Variants in DIAPH2 observed in about 807,000 individuals in gnomAD.
The protein encoded by DIAPH2 is protein diaphanous homolog 2.
A neutral mutation model predicts 92.7 loss-of-function variants in DIAPH2; 35 were observed. The observed-to-expected ratio is 0.38, with a 90% CI of 0.29 to 0.50. DIAPH2 has a LOEUF of 0.50. DIAPH2 is among the 20% of genes least tolerant of loss of function. The pLI, the probability that DIAPH2 is intolerant of heterozygous loss-of-function variation, is 0.94. For missense variants in DIAPH2, 701 were observed against 819.5 expected (o/e 0.86, Z 1.77); for synonymous variants, 301 against 280.4 (o/e 1.07, Z -0.73).
intron 26 of DIAPH2, among the ~76,000 whole-genome samples, chrX:97,522,898 G>A (rs1344582142): frequency 8.9e-6 from 1 of 112,301 alleles, no homozygotes; most frequent in Non-Finnish European, 1.9e-5. Context: ...CCTGAACTAA[G>A]GGCACAAGAA....
rs1298873938 is a variant in DIAPH2 at position 96,916,438 on chromosome X, T to C, written c.733T>C (p.Phe245Leu). The C allele has an allele frequency of 4.5e-6, 5 of 1,112,380 alleles. No individual in the cohort carries two copies. The highest frequency in any genetic ancestry group is 5.9e-6 in the Non-Finnish European group (5 of 846,848). The allele number at this position is 1,112,380 out of a possible 1,213,427, so 91.7% of individuals were successfully genotyped here. The stretch of plus-strand genomic sequence containing the variant: ...GAAGGTTTTTTTTTTTTTTTTTTAG[T>C]TTGGATTACAAAGGATTCTAGGAGA... ...QCLKAFMNNK[F>L]GLQRILGDER... The change falls in exon 8 of 27, where the codon TTT becomes CTT. Residue 245 changes from phenylalanine to leucine, a missense_variant and splice_region_variant. Physicochemically the swap from Phe to Leu is conservative, Grantham distance 22. Coordinates refer to ENST00000324765, the MANE Select transcript of DIAPH2 (RefSeq NM_006729.5).
At chrX:97,251,480 T>G (rs1323219131) in intron 23 of DIAPH2, among the ~76,000 whole-genome samples, 1 of 109,343 alleles carries the variant, frequency 9.1e-6, no homozygotes, top group Non-Finnish European at 1.9e-5. Context: ...TAACCCAGGT[T>G]GGAGTGCAGT....
chrX:96,991,491 A>G (rs1569273482), intron 17 of DIAPH2, among the ~76,000 whole-genome samples: 1 of 108,464 alleles, frequency 9.2e-6, no homozygotes. Flanking sequence ...TAACACAGAT[A>G]ATAAATGGGG....
At chrX:96,960,330 T>A (rs938204796) in intron 16 of DIAPH2, among the ~76,000 whole-genome samples, 16 of 111,561 alleles carry the variant, frequency 1.4e-4, no homozygotes, top group Non-Finnish European at 3.8e-5. Context: ...ACTTCTTTGG[T>A]TAAATTTATT....
chrX:97,275,214 C>T (rs373728269), intron 23 of DIAPH2, among the ~76,000 whole-genome samples: 7 of 108,641 alleles, frequency 6.4e-5, no homozygotes, highest in Admixed American at 5.7e-4. Flanking sequence ...CCAGAAGGGG[C>T]GGCCGGGCAG....
intron 25 of DIAPH2, among the ~76,000 whole-genome samples, chrX:97,427,723 C>A (rs750523909): frequency 9.1e-6 from 1 of 109,937 alleles, no homozygotes; most frequent in African/African-American, 3.3e-5. Context: ...GTCTGTTGCC[C>A]GGGCTGGAGT....
intron 26 of DIAPH2, among the ~76,000 whole-genome samples, chrX:97,524,348 T>A (rs1194847962): frequency 8.9e-6 from 1 of 112,373 alleles, no homozygotes; most frequent in East Asian, 2.8e-4. Context: ...TCCTCCAGAC[T>A]GGATCGTTAC....
intron 23 of DIAPH2, among the ~76,000 whole-genome samples, chrX:97,329,421 A>G (rs963505360): frequency 6.0e-4 from 67 of 112,555 alleles, no homozygotes; most frequent in Admixed American, 1.2e-3. Context: ...AGAAACAAAC[A>G]TTAAATCTTA....
chrX:96,826,711 G>A (rs1186936143), intron 4 of DIAPH2, among the ~76,000 whole-genome samples: 1 of 111,284 alleles, frequency 9.0e-6, no homozygotes, highest in African/African-American at 3.3e-5. Flanking sequence ...AGCTGGAATC[G>A]ATCATTTAGT....
At chrX:96,925,464 G>A (rs1602633977) in intron 9 of DIAPH2, among the ~76,000 whole-genome samples, 2 of 110,575 alleles carry the variant, frequency 1.8e-5, no homozygotes, top group South Asian at 7.7e-4. Flanking sequence ...TCCCTTCCTC[G>A]ACATGGTATC....
intron 23 of DIAPH2, among the ~76,000 whole-genome samples, chrX:97,260,609 A>G (rs1369014993): frequency 8.9e-6 from 1 of 112,083 alleles, no homozygotes; most frequent in Non-Finnish European, 1.9e-5. Flanking sequence ...GGAGTTAGAA[A>G]TCTCTCAAAT....
intron 4 of DIAPH2, among the ~76,000 whole-genome samples, chrX:96,854,694 A>G (rs1366396219): frequency 1.0e-5 from 1 of 98,168 alleles, no homozygotes; most frequent in African/African-American, 3.7e-5. Flanking sequence ...AGTAGCCTAT[A>G]CAGTGTGGAT....
intron 1 of DIAPH2, among the ~76,000 whole-genome samples, chrX:96,735,173 T>A (rs1040765550): frequency 6.3e-5 from 7 of 111,774 alleles, no homozygotes; most frequent in African/African-American, 2.3e-4. Flanking sequence ...CAATTTTATG[T>A]TCAAATAAGT....
At chrX:97,282,466 C>A (rs1040241219) in intron 23 of DIAPH2, among the ~76,000 whole-genome samples, 1 of 110,650 alleles carries the variant, frequency 9.0e-6, no homozygotes, top group Non-Finnish European at 1.9e-5. Context: ...CCTGCCACCA[C>A]GCCCAGCTAA....
At chrX:96,941,826 G>A (rs2065706637) in intron 12 of DIAPH2, among the ~76,000 whole-genome samples, 192 bp from the exon 13 acceptor site, 1 of 109,593 alleles carries the variant, frequency 9.1e-6, no homozygotes, top group African/African-American at 3.3e-5. Flanking sequence ...CATCACAATG[G>A]GTTTGGTACT....
chrX:97,350,076 G>A (rs1441439140), intron 24 of DIAPH2, among the ~76,000 whole-genome samples: 8 of 110,494 alleles, frequency 7.2e-5, no homozygotes, highest in Admixed American at 3.9e-4. Context: ...TTGGGAGGCC[G>A]AGGCGGGTGG....
chrX:97,212,590 G>GTTTTTTTTTTTT (rs57173350), intron 22 of DIAPH2, among the ~76,000 whole-genome samples: 2 of 67,844 alleles, frequency 2.9e-5, no homozygotes, highest in Non-Finnish European at 5.5e-5. Context: ...AGGGTTTTTT[G>GTTTTTTTTTTTT]TTTTTTTTTT....
intron 4 of DIAPH2, among the ~76,000 whole-genome samples, chrX:96,866,779 G>A (rs1426542522): frequency 1.8e-5 from 2 of 111,811 alleles, no homozygotes; most frequent in Non-Finnish European, 3.8e-5. Context: ...CCTACTTTGG[G>A]TGTAGAAAAA....
intron 22 of DIAPH2, among the ~76,000 whole-genome samples, chrX:97,176,656 T>C (rs1237518266): frequency 1.8e-5 from 2 of 110,808 alleles, no homozygotes; most frequent in African/African-American, 6.6e-5. Flanking sequence ...GCCTCCCGAG[T>C]AGCTGGGACT....
Sources: allele counts gnomAD v4.1 joint callset (sites outside exome capture counted in the v4.1 genomes callset), GRCh38; gene constraint gnomAD v4.1.1; transcripts MANE v1.5; gene names NCBI Gene and HGNC (gene_info 2026-07-23, HGNC 2026-07-21).